The following KCNH5 variants were observed in gnomAD, a reference collection of about 807,000 sequenced individuals.
KCNH5 encodes the protein potassium voltage-gated channel subfamily H member 5, also known as voltage-gated delayed rectifier potassium channel KCNH5.
In KCNH5, 46 loss-of-function variants were observed where a neutral mutation model predicts 96.1. That is an observed-to-expected ratio of 0.48 (90% CI 0.38 to 0.61). KCNH5 has a LOEUF of 0.61. Ranked by LOEUF, KCNH5 falls within the 20% of genes least tolerant of loss-of-function variation. The probability of loss-of-function intolerance (pLI) is 0.00; values close to 1 mark genes in which losing one functional copy is unlikely to be tolerated. For synonymous variants in KCNH5, 439 were observed against 449.8 expected, an observed-to-expected ratio of 0.98 and a Z score of 0.30; for missense variants, 907 against 1,225.8, an observed-to-expected ratio of 0.74 and a Z score of 3.88.
intron 7 of KCNH5, among the ~76,000 whole-genome samples, chr14:62,853,201 C>T (rs1236434907): frequency 2.0e-5 from 3 of 151,980 alleles, no homozygotes; most frequent in Non-Finnish European, 4.4e-5. Context: ...TCAATTCAAT[C>T]ACTTCTCACT....
chr14:62,913,490 T>C (rs1889212114), intron 7 of KCNH5, among the ~76,000 whole-genome samples: 1 of 152,150 alleles, frequency 6.6e-6, no homozygotes, highest in Non-Finnish European at 1.5e-5. Flanking sequence ...CCTCCCAAAG[T>C]GTTGGGATTA....
chr14:62,799,220 C>T (rs183305325), intron 9 of KCNH5, among the ~76,000 whole-genome samples: 3 of 152,066 alleles, frequency 2.0e-5, no homozygotes, highest in East Asian at 1.9e-4. Context: ...ATAGATAAAA[C>T]GCATGAATGA....
chr14:62,964,497 TA>T (rs1890269495), intron 6 of KCNH5, among the ~76,000 whole-genome samples: 2 of 151,942 alleles, frequency 1.3e-5, no homozygotes, highest in South Asian at 4.1e-4. Flanking sequence ...ACACACAATT[TA>T]AACTGTCCAC....
rs527589843 is a variant in KCNH5 at position 62,966,399 on chromosome 14, T to C, written c.942+14473A>G. ...TGTGTAGCAGTCCAAAGAGCTATGC[T>C]CCCTGTCCCCAGTCTCCCCAAGAAG... On this transcript the variant is annotated intron_variant, in intron 6 of 10. Transcript: ENST00000322893. Among the ~76,000 whole-genome samples, 22 of 152,272 alleles carry C rather than the reference T, an allele frequency of 1.4e-4. No homozygotes were observed. The South Asian group carries it at 4.6e-3, about 32-fold the overall frequency.
At chr14:62,949,921 T>C (rs1889966973) in intron 7 of KCNH5, 1 of 504,808 alleles carries the variant, frequency 2.0e-6, no homozygotes, top group African/African-American at 1.9e-5. Context: ...GTACACACAT[T>C]AATATGTTTT....
chr14:62,739,541 CAA>C (rs759996423), intron 10 of KCNH5, among the ~76,000 whole-genome samples: 5 of 152,012 alleles, frequency 3.3e-5, no homozygotes, highest in Non-Finnish European at 7.4e-5. Context: ...ATTTGAAAAA[CAA>C]GAGATTATTG....
At position 62,701,162 on chromosome 14, in the gene KCNH5, G is replaced by A. The variant is rs1884342425; in HGVS notation, c.*6346C>T. 1 of 152,122 alleles carries A rather than the reference G, an allele frequency of 6.6e-6. No individual in the cohort carries two copies. Among genetic ancestry groups the A allele is most frequent in the South Asian group, 2.1e-4 (1 of 4,834 alleles). The allele number at this position is 152,122 out of a possible 1,614,324, so 9.4% of individuals were successfully genotyped here. ...CAACCAGCCAAGTGCTTAGGGGATT[G>A]GGTTTGTAGGTCAGAACCAGAGGTT... is the stretch of plus-strand genomic sequence containing the variant. On this transcript the variant is annotated 3_prime_UTR_variant, in exon 11 of 11. Coordinates refer to ENST00000322893, the MANE Select transcript of KCNH5 (RefSeq NM_139318.5).
At chr14:62,830,397 A>G (rs1191014732) in intron 8 of KCNH5, among the ~76,000 whole-genome samples, 5 of 152,164 alleles carry the variant, frequency 3.3e-5, no homozygotes, top group Non-Finnish European at 1.5e-5. Flanking sequence ...TGTTATAGAG[A>G]GCTACCTAAG....
At chr14:62,988,255 C>T (rs535092927) in intron 4 of KCNH5, among the ~76,000 whole-genome samples, 1 of 152,146 alleles carries the variant, frequency 6.6e-6, no homozygotes, top group South Asian at 2.1e-4. Context: ...ATTTTATTAA[C>T]ACTATCTGAT....
chr14:62,742,381 A>T (rs1263108232), intron 10 of KCNH5, among the ~76,000 whole-genome samples: 2 of 152,242 alleles, frequency 1.3e-5, no homozygotes. Flanking sequence ...AAGATTTCAT[A>T]GATTGATTCT....
intron 7 of KCNH5, among the ~76,000 whole-genome samples, chr14:62,900,399 T>C (rs1021585591): frequency 4.6e-5 from 7 of 152,222 alleles, no homozygotes; most frequent in Admixed American, 4.6e-4. Context: ...TTTATGTGTA[T>C]GCACAAGAAG....
chr14:62,866,797 T>C (rs939548423), intron 7 of KCNH5, among the ~76,000 whole-genome samples: 1 of 152,118 alleles, frequency 6.6e-6, no homozygotes, highest in Non-Finnish European at 1.5e-5. Context: ...AGATCAGAAA[T>C]TGGTCACTTC....
At chr14:62,967,725 G>GGATAATTATTGCACAGAAA (rs1232781581) in intron 6 of KCNH5, among the ~76,000 whole-genome samples, 2 of 152,170 alleles carry the variant, frequency 1.3e-5, no homozygotes, top group East Asian at 3.9e-4. Context: ...TCAAGCATGG[G>GGATAATTATTGCACAGAAA]GATAATTATT....
chr14:62,781,513 TCTCGAC>T (rs1439401038), intron 9 of KCNH5, among the ~76,000 whole-genome samples: 1 of 152,146 alleles, frequency 6.6e-6, no homozygotes, highest in African/African-American at 2.4e-5. Context: ...ACCTCTGCAG[TCTCGAC>T]CGTAAGAGAC....
intron 3 of KCNH5, among the ~76,000 whole-genome samples, chr14:63,003,707 C>T (rs565803687): frequency 5.4e-4 from 80 of 146,992 alleles, no homozygotes; most frequent in African/African-American, 2.0e-3. Flanking sequence ...GCGAGCTCCA[C>T]CTCCTGGGTT....
chr14:62,879,226 A>C (rs543561331), intron 7 of KCNH5, among the ~76,000 whole-genome samples: 1 of 152,330 alleles, frequency 6.6e-6, no homozygotes, highest in Non-Finnish European at 1.5e-5. Context: ...TGTTGGAGAG[A>C]ATACAGAGCA....
chr14:62,748,238 G>A (rs570864178), intron 10 of KCNH5, among the ~76,000 whole-genome samples: 8 of 152,204 alleles, frequency 5.3e-5, no homozygotes, highest in African/African-American at 1.9e-4. Flanking sequence ...GTACAATGCT[G>A]GTATATATGG....
intron 5 of KCNH5, among the ~76,000 whole-genome samples, chr14:62,983,121 A>C (rs1410316969): frequency 1.3e-5 from 2 of 152,200 alleles, no homozygotes; most frequent in African/African-American, 4.8e-5. Context: ...GGAAATAAGA[A>C]CAAACTCAGT....
In KCNH5 at chr14:62,700,932, T is replaced by G. The variant is rs958690332; in HGVS notation, c.*6576A>C. 5 of 152,208 alleles carry G rather than the reference T, an allele frequency of 3.3e-5. No homozygotes were observed. The highest frequency in any genetic ancestry group is 9.6e-5 in the African/African-American group (4 of 41,456). The allele number at this position is 152,208 out of a possible 1,614,324, so 9.4% of individuals were successfully genotyped here. ...AAAGCTTTGGATAGAGGGAAGTGGT[T>G]ACATTTTATATTATGAAATATGATT... On this transcript the variant is annotated 3_prime_UTR_variant, in exon 11 of 11. Transcript: ENST00000322893.
Sources: gnomAD v4.1 joint callset for allele counts (sites outside exome capture counted in the v4.1 genomes callset) on GRCh38, gnomAD v4.1.1 for gene constraint, MANE v1.5 for transcripts, NCBI Gene and HGNC (gene_info 2026-07-23, HGNC 2026-07-21) for gene names.